The following PHACTR3 variants were observed in gnomAD, a reference collection of about 807,000 sequenced individuals.
PHACTR3 encodes protein phosphatase 1, regulatory subunit 123.
In PHACTR3, 16 loss-of-function variants were observed where a neutral mutation model predicts 66.8. The observed-to-expected ratio is 0.24, with a 90% CI of 0.16 to 0.36. The LOEUF (loss-of-function observed/expected upper bound fraction) is 0.36, where lower values mean the gene tolerates loss of function less well. Among genes scored for constraint, PHACTR3 ranks in the 10% least tolerant of loss-of-function variants. The pLI is 1.00. For synonymous variants in PHACTR3, 323 were observed against 292.1 expected (o/e 1.11, Z -1.08); for missense variants, 647 against 719.9 (o/e 0.90, Z 1.16).
intron 1 of PHACTR3, among the ~76,000 whole-genome samples, chr20:59,674,079 T>C (rs2036288442): frequency 1.3e-5 from 2 of 151,886 alleles, no homozygotes; most frequent in South Asian, 4.2e-4. Flanking sequence ...CTCTGTACCC[T>C]GACAAGGGGC....
intron 1 of PHACTR3, among the ~76,000 whole-genome samples, chr20:59,652,995 A>G (rs1007523142): frequency 2.0e-5 from 3 of 152,200 alleles, no homozygotes; most frequent in Non-Finnish European, 2.9e-5. Context: ...GGAGGAAGTA[A>G]CAGAGGGGAG....
At chr20:59,808,417 T>C (rs1476183847) in intron 8 of PHACTR3, among the ~76,000 whole-genome samples, 1 of 152,144 alleles carries the variant, frequency 6.6e-6, no homozygotes, top group African/African-American at 2.4e-5. Flanking sequence ...CTGATAAAGC[T>C]CAGGTGCACC....
chr20:59,693,903 A>G (rs2037199267), intron 1 of PHACTR3, among the ~76,000 whole-genome samples: 1 of 152,182 alleles, frequency 6.6e-6, no homozygotes, highest in African/African-American at 2.4e-5. Context: ...AATCGGGCCC[A>G]CCATCTCTTC....
At chr20:59,640,112 A>G (rs1276531707) in intron 1 of PHACTR3, among the ~76,000 whole-genome samples, 1 of 152,220 alleles carries the variant, frequency 6.6e-6, no homozygotes, top group East Asian at 1.9e-4. Flanking sequence ...ATCTGGATTC[A>G]GACCTACTTG....
chr20:59,726,470 C>T (rs1057333832), intron 1 of PHACTR3, among the ~76,000 whole-genome samples: 5 of 152,156 alleles, frequency 3.3e-5, no homozygotes, highest in East Asian at 1.9e-4. Flanking sequence ...AGACTCAAGA[C>T]GCAGGCAAAC....
intron 1 of PHACTR3, among the ~76,000 whole-genome samples, chr20:59,708,610 C>T (rs917515622): frequency 1.3e-5 from 2 of 152,162 alleles, no homozygotes; most frequent in African/African-American, 4.8e-5. Context: ...CCCTGCTGGT[C>T]CCCAGATATT....
chr20:59,806,978 C>A (rs2041590892), intron 8 of PHACTR3, among the ~76,000 whole-genome samples: 1 of 152,230 alleles, frequency 6.6e-6, no homozygotes, highest in Admixed American at 6.5e-5. Context: ...GTATAGAGCA[C>A]TTACCATGAA....
At chr20:59,628,580 C>T (rs1257311952) in intron 1 of PHACTR3, 1 of 980,428 alleles carries the variant, frequency 1.0e-6, no homozygotes, top group Non-Finnish European at 1.2e-6. Context: ...GCCCTGTTCT[C>T]TCCCCGAGTT....
chr20:59,719,672 C>G (rs1315490471), intron 1 of PHACTR3, among the ~76,000 whole-genome samples: 3 of 152,174 alleles, frequency 2.0e-5, no homozygotes, highest in Non-Finnish European at 1.5e-5. Context: ...TCAGCAGTTC[C>G]TTCTGGAATC....
rs564878980 is a variant in PHACTR3 at position 59,830,956 on chromosome 20, C to G, written c.1329-5549C>G. On this transcript the variant is annotated intron_variant, in intron 8 of 12. Coordinates refer to ENST00000371015, the MANE Select transcript of PHACTR3 (RefSeq NM_080672.5). The surrounding 1 kb of genome is among the most constrained non-coding windows in gnomAD (Gnocchi z 5.8). The stretch of plus-strand genomic sequence containing the variant: ...ACAGTGGCATCATGACTCCTGGAGC[C>G]TCTCCAGGCGTCCTGACTGTCCAGG... Among the ~76,000 whole-genome samples, 9 of 151,756 alleles carry G rather than the reference C, an allele frequency of 5.9e-5. No individual in the cohort carries two copies. The East Asian group carries it at 1.7e-3, about 29-fold the overall frequency.
At chr20:59,774,855 G>A (rs2040475103) in intron 7 of PHACTR3, among the ~76,000 whole-genome samples, 1 of 152,012 alleles carries the variant, frequency 6.6e-6, no homozygotes, top group African/African-American at 2.4e-5. Context: ...GTGTACAGAT[G>A]CTCAGTGTAC....
At chr20:59,778,976 C>T (rs901940363) in intron 7 of PHACTR3, among the ~76,000 whole-genome samples, 3 of 152,232 alleles carry the variant, frequency 2.0e-5, no homozygotes, top group African/African-American at 7.2e-5. Flanking sequence ...GCTGTCTGCA[C>T]CGTGCAATGT....
Position 59,736,008 on chromosome 20 carries a change from C to A in PHACTR3, c.119-7099C>A, listed in dbSNP as rs1281858649. Among the ~76,000 whole-genome samples the A allele has an allele frequency of 6.6e-6, 1 of 151,976 alleles. No individual in the cohort carries two copies. Among genetic ancestry groups the A allele is most frequent in the East Asian group, 1.9e-4 (1 of 5,182 alleles). On this transcript the variant is annotated intron_variant, in intron 1 of 12. Coordinates refer to ENST00000371015, the MANE Select transcript of PHACTR3 (RefSeq NM_080672.5). This position sits in a 1 kb window ranked among gnomAD's most constrained non-coding sequence, Gnocchi z 4.6. ...GGGGGAAAGGGATGGAGTTAGTTACCCAGGGACAAGTATACCAGCTACTGT... is the reference window on the plus strand; with the variant it reads ...GGGGGAAAGGGATGGAGTTAGTTACACAGGGACAAGTATACCAGCTACTGT...
At chr20:59,828,678 C>T (rs140176144) in intron 8 of PHACTR3, among the ~76,000 whole-genome samples, 245 of 151,526 alleles carry the variant, frequency 1.6e-3, no homozygotes, top group African/African-American at 5.6e-3. Flanking sequence ...TGCAGCTCGA[C>T]GTGGGGCCAT....
intron 7 of PHACTR3, among the ~76,000 whole-genome samples, chr20:59,780,719 C>T (rs1337310054): frequency 6.6e-6 from 1 of 152,318 alleles, no homozygotes; most frequent in Admixed American, 6.5e-5. Flanking sequence ...CTGGGGCTTA[C>T]TCTGCGTAGA....
chr20:59,756,676 C>CTTT (rs143052000), intron 4 of PHACTR3, among the ~76,000 whole-genome samples: 7 of 147,016 alleles, frequency 4.8e-5, no homozygotes, highest in African/African-American at 1.7e-4. Context: ...TGGCGTGGTT[C>CTTT]TTTTTTTTTT....
At chr20:59,605,483 C>G (rs1045809045) in intron 1 of PHACTR3, among the ~76,000 whole-genome samples, 17 of 152,230 alleles carry the variant, frequency 1.1e-4, no homozygotes, top group African/African-American at 4.1e-4. Context: ...CGGTTCTGGG[C>G]CATTCCCTCC....
At chr20:59,769,711 C>T (rs938775104) in intron 5 of PHACTR3, among the ~76,000 whole-genome samples, 2 of 152,208 alleles carry the variant, frequency 1.3e-5, no homozygotes, top group African/African-American at 4.8e-5. Flanking sequence ...GGGCATACAG[C>T]AGGCACTCAG....
At chr20:59,782,024 C>T (rs1315160319) in intron 7 of PHACTR3, among the ~76,000 whole-genome samples, 1 of 152,082 alleles carries the variant, frequency 6.6e-6, no homozygotes, top group African/African-American at 2.4e-5. Flanking sequence ...CAATCTAGGC[C>T]TCAAGGATTC....
Sources: allele counts gnomAD v4.1 joint callset (sites outside exome capture counted in the v4.1 genomes callset), GRCh38; gene constraint gnomAD v4.1.1; non-coding constraint Gnocchi (gnomAD v3.1); transcripts MANE v1.5; gene names NCBI Gene and HGNC (gene_info 2026-07-23, HGNC 2026-07-21).